The following PMPCA variants were observed in gnomAD, a reference collection of about 807,000 sequenced individuals.
PMPCA encodes the protein peptidase, mitochondrial processing subunit alpha.
A neutral mutation model predicts 59.3 loss-of-function variants in PMPCA; 47 were observed. The observed-to-expected ratio is 0.79, with a 90% confidence interval of 0.63 to 1.01. The LOEUF (loss-of-function observed/expected upper bound fraction) is 1.01, where lower values mean the gene tolerates loss of function less well. Among genes scored for constraint, PMPCA ranks in the 50% least tolerant of loss-of-function variants. PMPCA has a pLI of 0.00. For missense variants in PMPCA, 726 were observed against 704.5 expected (o/e 1.03, Z -0.34); for synonymous variants, 338 against 290.3 (o/e 1.16, Z -1.67).
intron 6 of PMPCA, 72 bp from the exon 7 acceptor site, chr9:136,416,879 T>A: frequency 1.4e-6 from 2 of 1,452,816 alleles, no homozygotes; most frequent in Non-Finnish European, 1.9e-6. Flanking sequence ...AGATGGGCGC[T>A]GGTGCTGCTT....
rs1467836701 is a variant in PMPCA at position 136,416,519 on chromosome 9, G to GT, written c.633+134dup. The GT allele has an allele frequency of 3.1e-5, 23 of 737,072 alleles. No homozygotes were observed. In the East Asian group the frequency reaches 3.8e-4, roughly 12 times the overall value. The allele number at this position is 737,072 out of a possible 1,614,324, so 45.7% of individuals were successfully genotyped here. A position where few individuals can be genotyped will look rare whatever the true frequency, so the allele number is the denominator to read the frequency against. On this transcript the variant is annotated intron_variant, in intron 6 of 12. Coordinates refer to ENST00000371717, the MANE Select transcript of PMPCA (RefSeq NM_015160.3). The stretch of plus-strand genomic sequence containing the variant: ...ATGGATATATACAGAACATTTTTTT[G>GT]TTTTTTGAGATGAGGTTTCTCCACA...
chr9:136,423,202 A>G lies in PMPCA; in HGVS notation c.1516A>G (p.Ile506Val). The change falls in exon 13 of 13, where the codon ATC (isoleucine) becomes GTC (valine). Residue 506 changes from isoleucine (I) to valine (V), a missense_variant. Ile to Val is a conservative substitution (Grantham distance 29). Transcript: ENST00000371717. ...GACTGACCTGCCCACGTATGAGCACATCCAGACCGCCCTGTCGAGTAAGGA... is the reference window on the plus strand; with the variant it reads ...GACTGACCTGCCCACGTATGAGCACGTCCAGACCGCCCTGTCGAGTAAGGA... ...DLTDLPTYEH[I>V]QTALSSKDGR... 1 of 1,613,754 alleles carries G rather than the reference A, an allele frequency of 6.2e-7. No homozygotes were observed. Among genetic ancestry groups the G allele is most frequent in the Admixed American group, 1.7e-5 (1 of 60,018 alleles).
At chr9:136,419,186 G>A (rs767043302) in intron 11 of PMPCA, 80 bp downstream of exon 11, 4 of 1,271,148 alleles carry the variant, frequency 3.1e-6, no homozygotes, top group South Asian at 2.4e-5. Flanking sequence ...GTGGCCACCT[G>A]TGGGCCTGGT....
In PMPCA at chr9:136,414,639, G is replaced by C. The variant is rs142513180; in HGVS notation, c.524G>C (p.Arg175Pro). 4 of 1,609,442 alleles carry C rather than the reference G, an allele frequency of 2.5e-6. No homozygotes were observed. The East Asian group carries it at 8.9e-5, about 36-fold the overall frequency. ...CTGGCTGATGTGGTTCTGCAGCCCC[G>C]GCTAACAGGTGTGGATCCCAGCCGC... ...ALLADVVLQP[R>P]LTDEEVEMTR... Residue 175 changes from arginine (R) to proline (P), a missense_variant, in exon 5 of 13, where the codon CGG (arginine) becomes CCG (proline). Coordinates refer to ENST00000371717, the MANE Select transcript of PMPCA (RefSeq NM_015160.3).
intron 12 of PMPCA, chr9:136,422,405 G>A: frequency 9.0e-7 from 1 of 1,117,170 alleles, no homozygotes; most frequent in Non-Finnish European, 1.1e-6. Context: ...CCCCATGAGT[G>A]ACCTTAGGAG....
rs1419060729 is a variant in PMPCA at position 136,418,841 on chromosome 9, T to G, written c.1123T>G (p.Tyr375Asp). ...GCTTCCTCCCAGGCACCACTGGATG[T>G]ATAACGCGACCTCCTACCACCACAG... is the stretch of plus-strand genomic sequence containing the variant. ...LNVLNRHHWM[Y>D]NATSYHHSYE... is the part of the protein sequence containing the mutation. The change falls in exon 10 of 13, where the codon TAT becomes GAT. Residue 375 changes from tyrosine (Y) to aspartate (D), a missense_variant. Transcript: ENST00000371717. 6.2e-6 allele frequency: 10 copies of G among 1,612,596 alleles called. No homozygotes were observed. The highest frequency in any genetic ancestry group is 8.5e-6 in the Non-Finnish European group (10 of 1,179,472).
chr9:136,421,433 A>G (rs1835448446), intron 11 of PMPCA, among the ~76,000 whole-genome samples: 1 of 101,460 alleles, frequency 9.9e-6, no homozygotes, highest in Non-Finnish European at 2.2e-5. Context: ...TTTTTGAGAC[A>G]GAGTCTTGCT....
chr9:136,410,989 C>A, intron 1 of PMPCA: 1 of 388,956 alleles, frequency 2.6e-6, no homozygotes, highest in Non-Finnish European at 4.5e-6. Context: ...GGTCGACGGG[C>A]CTTCTCCGAG....
chr9:136,417,456 G>T (rs1835313568), intron 7 of PMPCA, among the ~76,000 whole-genome samples: 2 of 151,624 alleles, frequency 1.3e-5, no homozygotes, highest in African/African-American at 4.8e-5. Context: ...GAGTGGGTCT[G>T]CCACTGCGTG....
At chr9:136,412,343 C>A in intron 2 of PMPCA, 144 bp downstream of exon 2, 1 of 785,984 alleles carries the variant, frequency 1.3e-6, no homozygotes, top group South Asian at 1.5e-5. Flanking sequence ...TGTTGAGCTA[C>A]ACATATACCT....
At chr9:136,415,156 G>C (rs376533023) in intron 5 of PMPCA, among the ~76,000 whole-genome samples, 1 of 152,114 alleles carries the variant, frequency 6.6e-6, no homozygotes, top group South Asian at 2.1e-4. Context: ...CTGTAATCCC[G>C]GCATTTAGGG....
At position 136,418,676 on chromosome 9, in the gene PMPCA, G is replaced by A. The variant is rs762313680; in HGVS notation, c.1109+3G>A. On this transcript the variant is annotated splice_donor_region_variant and intron_variant, in intron 9 of 12. Coordinates refer to ENST00000371717, the MANE Select transcript of PMPCA (RefSeq NM_015160.3). The stretch of plus-strand genomic sequence containing the variant: ...CTCTACCTCAACGTGCTCAACAGGT[G>A]GGTTGCACTCTTTTCTGTATCCTCA... 38 of 1,596,852 alleles carry A rather than the reference G, an allele frequency of 2.4e-5. No individual in the cohort carries two copies. Among genetic ancestry groups the A allele is most frequent in the Admixed American group, 3.3e-5 (2 of 59,998 alleles).
At chr9:136,421,783 AG>A (rs765642119) in intron 11 of PMPCA, 48 bp from the exon 12 acceptor site, 7 of 1,511,926 alleles carry the variant, frequency 4.6e-6, no homozygotes, top group African/African-American at 1.4e-5. Context: ...GGGGGGTGGA[AG>A]GTGGCACGGG....
chr9:136,421,033 C>T (rs919906088), intron 11 of PMPCA: 1 of 152,236 alleles, frequency 6.6e-6, no homozygotes, highest in Admixed American at 6.5e-5. Flanking sequence ...CTCACAGCAC[C>T]CCTGCCTGTG....
At chr9:136,419,926 A>G (rs1835400520) in intron 11 of PMPCA, 1 of 151,800 alleles carries the variant, frequency 6.6e-6, no homozygotes, top group Non-Finnish European at 1.5e-5. Context: ...GATGCTTTAC[A>G]CATTTGGGAA....
At chr9:136,416,061 C>G in intron 5 of PMPCA, 3 of 583,626 alleles carry the variant, frequency 5.1e-6, no homozygotes, top group Non-Finnish European at 9.1e-6. Flanking sequence ...GCTCACGTGG[C>G]TGCTTCATGG....
intron 11 of PMPCA, among the ~76,000 whole-genome samples, chr9:136,421,436 G>C (rs1229530185): frequency 9.2e-6 from 1 of 109,142 alleles, no homozygotes; most frequent in East Asian, 2.8e-4. Context: ...TTGAGACAGA[G>C]TCTTGCTCTG....
rs990105807 is a variant in PMPCA at position 136,418,192 on chromosome 9, G to C, written c.990+83G>C. On this transcript the variant is annotated intron_variant, in intron 8 of 12. Transcript: ENST00000371717. ...GCCCTGCCCTCTGTCCCTGGCATCCGACAGCGCTCCTGATGGGGCGTGGGC... is the reference window on the plus strand; with the variant it reads ...GCCCTGCCCTCTGTCCCTGGCATCCCACAGCGCTCCTGATGGGGCGTGGGC... 6 of 995,318 alleles carry C rather than the reference G, an allele frequency of 6.0e-6. No homozygotes were observed. In the Admixed American group the frequency reaches 1.0e-4, roughly 17 times the overall value. The allele number at this position is 995,318 out of a possible 1,614,324, so 61.7% of individuals were successfully genotyped here. A position where few individuals can be genotyped will look rare whatever the true frequency, so the allele number is the denominator to read the frequency against.
Position 136,416,414 on chromosome 9 carries a change from G to A in PMPCA, c.633+23G>A, listed in dbSNP as rs1376684011. On this transcript the variant is annotated intron_variant, in intron 6 of 12. Transcript: ENST00000371717. ...GAAGTAAAATGTCAAACTCGAGAAT[G>A]CCCCCGCATCTCGAACAGTGGTCCT... 2.0e-6 allele frequency: 3 copies of A among 1,516,258 alleles called. No homozygotes were observed. The South Asian group carries it at 3.4e-5, about 17-fold the overall frequency. The allele number at this position is 1,516,258 out of a possible 1,614,324, so 93.9% of individuals were successfully genotyped here.
Sources: gnomAD v4.1 joint callset for allele counts (sites outside exome capture counted in the v4.1 genomes callset) on GRCh38, gnomAD v4.1.1 for gene constraint, MANE v1.5 for transcripts, NCBI Gene and HGNC (gene_info 2026-07-23, HGNC 2026-07-21) for gene names.